Variants in CTNNA2 observed in about 807,000 individuals in gnomAD.
CTNNA2 encodes catenin alpha-2.
A neutral mutation model predicts 101.0 loss-of-function variants in CTNNA2; 42 were observed. The ratio of observed to expected loss-of-function variants is 0.42; its 90% CI spans 0.32 to 0.54. The LOEUF is 0.54. Among genes scored for constraint, CTNNA2 ranks in the 20% least tolerant of loss-of-function variants. The pLI, the probability that CTNNA2 is intolerant of heterozygous loss-of-function variation, is 0.14. For synonymous variants in CTNNA2, 450 were observed against 456.4 expected (o/e 0.99, Z 0.18); for missense variants, 871 against 1,223.1 (o/e 0.71, Z 4.29).
intron 7 of CTNNA2, among the ~76,000 whole-genome samples, chr2:80,040,660 C>A (rs1695983626): frequency 6.6e-6 from 1 of 152,164 alleles, no homozygotes; most frequent in African/African-American, 2.4e-5. Flanking sequence ...GCCAGCAGTA[C>A]CATTCCCCAC....
chr2:80,009,917 T>C (rs1693655825), intron 7 of CTNNA2, among the ~76,000 whole-genome samples: 1 of 152,156 alleles, frequency 6.6e-6, no homozygotes, highest in Admixed American at 6.6e-5. Context: ...CGTCCTAGGT[T>C]CAGATGTTGG....
chr2:79,895,622 A>T (rs889109818), intron 6 of CTNNA2, among the ~76,000 whole-genome samples: 1 of 152,136 alleles, frequency 6.6e-6, no homozygotes, highest in Non-Finnish European at 1.5e-5. Flanking sequence ...AACTTAAAAA[A>T]AATTCAACCA....
intron 2 of CTNNA2, among the ~76,000 whole-genome samples, chr2:79,214,704 G>T (rs111521991): frequency 2.0e-5 from 3 of 152,156 alleles, no homozygotes; most frequent in East Asian, 1.9e-4. Context: ...GAGGCTTTGG[G>T]TTGGGGAAAA....
At chr2:80,056,367 GA>G (rs1697214065) in intron 7 of CTNNA2, among the ~76,000 whole-genome samples, 1 of 152,174 alleles carries the variant, frequency 6.6e-6, no homozygotes, top group Non-Finnish European at 1.5e-5. Flanking sequence ...GGCTAGAAAA[GA>G]GTCTTTATTC....
chr2:79,931,885 C>T (rs1687470174), intron 7 of CTNNA2, among the ~76,000 whole-genome samples: 1 of 152,166 alleles, frequency 6.6e-6, no homozygotes, highest in African/African-American at 2.4e-5. Context: ...GAGAGGTCAC[C>T]TACTCTCAGA....
chr2:79,814,621 A>ACACG (rs1205125389), intron 3 of CTNNA2, among the ~76,000 whole-genome samples: 1 of 143,394 alleles, frequency 7.0e-6, no homozygotes, highest in East Asian at 2.0e-4. Flanking sequence ...ACACACACAC[A>ACACG]CACACACACA....
intron 9 of CTNNA2, among the ~76,000 whole-genome samples, chr2:80,459,305 C>G (rs530035755): frequency 6.6e-6 from 1 of 152,188 alleles, no homozygotes; most frequent in African/African-American, 2.4e-5. Flanking sequence ...TTTTAATGTG[C>G]CTCCAGGCTA....
intron 4 of CTNNA2, among the ~76,000 whole-genome samples, chr2:79,407,076 T>A (rs1678349003): frequency 6.6e-6 from 1 of 152,070 alleles, no homozygotes; most frequent in Non-Finnish European, 1.5e-5. Flanking sequence ...CCTGGACTCA[T>A]TTATTTATTC....
intron 7 of CTNNA2, among the ~76,000 whole-genome samples, chr2:80,238,564 C>G (rs923182707): frequency 6.6e-6 from 1 of 152,050 alleles, no homozygotes. Flanking sequence ...CAGAGAGGCC[C>G]CTGCATAATG....
At chr2:79,468,637 C>G (rs1670964807) in intron 4 of CTNNA2, among the ~76,000 whole-genome samples, 1 of 152,184 alleles carries the variant, frequency 6.6e-6, no homozygotes, top group South Asian at 2.1e-4. Flanking sequence ...AAGTAAAGCA[C>G]TCCTCAGCAA....
chr2:80,232,911 C>G (rs1709339760), intron 7 of CTNNA2, among the ~76,000 whole-genome samples: 1 of 152,152 alleles, frequency 6.6e-6, no homozygotes. Flanking sequence ...TGATTTGTAG[C>G]CAGCTGGGAT....
At chr2:79,343,910 C>CCT (rs1677196441) in intron 3 of CTNNA2, among the ~76,000 whole-genome samples, 1 of 152,066 alleles carries the variant, frequency 6.6e-6, no homozygotes, top group African/African-American at 2.4e-5. Context: ...ACTACAGAGA[C>CCT]ATAAGATAAT....
intron 18 of CTNNA2, among the ~76,000 whole-genome samples, chr2:80,632,792 T>G (rs1672436542): frequency 6.6e-6 from 1 of 152,082 alleles, no homozygotes; most frequent in African/African-American, 2.4e-5. Context: ...TACCCAGAGG[T>G]GATGTAATAA....
intron 12 of CTNNA2, among the ~76,000 whole-genome samples, chr2:80,571,496 T>A (rs1277518373): frequency 1.3e-5 from 2 of 152,190 alleles, no homozygotes; most frequent in African/African-American, 4.8e-5. Flanking sequence ...TGTCTCTCCT[T>A]CCATCTCAAA....
chr2:79,202,336 T>A (rs1387558345), intron 2 of CTNNA2, among the ~76,000 whole-genome samples: 8 of 100,350 alleles, frequency 8.0e-5, no homozygotes, highest in African/African-American at 3.0e-4. Flanking sequence ...TGTTTTTTTA[T>A]TTTTTTTATT....
intron 7 of CTNNA2, chr2:80,163,170 G>A: frequency 3.5e-6 from 5 of 1,419,036 alleles, no homozygotes; most frequent in Non-Finnish European, 5.0e-6. Context: ...ACCTCGAAAA[G>A]GAGCTCCTCG....
chr2:79,886,778 A>AAAAAG, intron 6 of CTNNA2, among the ~76,000 whole-genome samples: 1 of 143,282 alleles, frequency 7.0e-6, no homozygotes, highest in Non-Finnish European at 1.5e-5. Flanking sequence ...AAAAAAAAAG[A>AAAAAG]AGGAAATGGC....
intron 1 of CTNNA2, among the ~76,000 whole-genome samples, chr2:79,607,987 T>A (rs1329888142): frequency 6.6e-6 from 1 of 151,936 alleles, no homozygotes; most frequent in Admixed American, 6.6e-5. Context: ...TGTTTTTTTT[T>A]AATTAAATCT....
intron 7 of CTNNA2, among the ~76,000 whole-genome samples, chr2:79,994,600 A>T (rs535597917): frequency 4.0e-5 from 6 of 150,218 alleles, no homozygotes; most frequent in South Asian, 2.1e-4. Context: ...AAAAAAAAAA[A>T]TTTGAAGTCT....
Sources: gnomAD v4.1 joint callset for allele counts (sites outside exome capture counted in the v4.1 genomes callset) on GRCh38, gnomAD v4.1.1 for gene constraint, MANE v1.5 for transcripts, NCBI Gene and HGNC (gene_info 2026-07-23, HGNC 2026-07-21) for gene names.